Variants in OSBPL8 observed in about 807,000 individuals in gnomAD.
The protein encoded by OSBPL8 is oxysterol-binding protein-related protein 8.
In OSBPL8, 59 loss-of-function variants were observed where a neutral mutation model predicts 125.5. The observed-to-expected ratio is 0.47, with a 90% CI of 0.38 to 0.58. OSBPL8 has a LOEUF of 0.58. Among genes scored for constraint, OSBPL8 ranks in the 20% least tolerant of loss-of-function variants. The probability of loss-of-function intolerance (pLI) is 0.00; values close to 1 mark genes in which losing one functional copy is unlikely to be tolerated. For missense variants in OSBPL8, 758 were observed against 1,047.8 expected, an observed-to-expected ratio of 0.72 and a Z score of 3.82; for synonymous variants, 330 against 338.9, an observed-to-expected ratio of 0.97 and a Z score of 0.29.
At chr12:76,448,783 G>C (rs920450769) in intron 4 of OSBPL8, among the ~76,000 whole-genome samples, 1 of 152,208 alleles carries the variant, frequency 6.6e-6, no homozygotes, top group African/African-American at 2.4e-5. Flanking sequence ...GGGAGGCCAA[G>C]GTGGGCGGAT....
intron 2 of OSBPL8, among the ~76,000 whole-genome samples, chr12:76,478,871 G>A (rs987501814): frequency 4.6e-5 from 7 of 152,076 alleles, no homozygotes; most frequent in South Asian, 2.1e-4. Context: ...GGATCATGAC[G>A]TCAGGAGATC....
intron 21 of OSBPL8, among the ~76,000 whole-genome samples, chr12:76,365,616 GA>G (rs939802196): frequency 2.6e-5 from 4 of 152,008 alleles, no homozygotes; most frequent in African/African-American, 9.7e-5. Context: ...GCTCTGGCTA[GA>G]ACTTCCAGTA....
At chr12:76,486,594 A>T (rs1878159443) in intron 2 of OSBPL8, among the ~76,000 whole-genome samples, 1 of 152,228 alleles carries the variant, frequency 6.6e-6, no homozygotes, top group Non-Finnish European at 1.5e-5. Context: ...AAAAATGACA[A>T]ATCATCATTT....
chr12:76,428,909 G>GTATCTCC (rs1870483089), intron 4 of OSBPL8, among the ~76,000 whole-genome samples: 1 of 152,072 alleles, frequency 6.6e-6, no homozygotes, highest in Non-Finnish European at 1.5e-5. Flanking sequence ...AATCAAGATG[G>GTATCTCC]GAGATAATGA....
At chr12:76,522,387 G>A (rs536840526) in intron 1 of OSBPL8, among the ~76,000 whole-genome samples, 3 of 152,088 alleles carry the variant, frequency 2.0e-5, no homozygotes, top group Admixed American at 6.5e-5. Flanking sequence ...TTTGAAATTT[G>A]ATCCCTAGTG....
chr12:76,532,028 C>T (rs1418949375), intron 1 of OSBPL8, among the ~76,000 whole-genome samples: 3 of 114,090 alleles, frequency 2.6e-5, no homozygotes, highest in Admixed American at 2.6e-4. Flanking sequence ...GAGAGCAAGA[C>T]TCCTTCTCAA....
At position 76,389,733 on chromosome 12, in the gene OSBPL8, T is replaced by A; in HGVS notation, c.1264A>T (p.Lys422Ter). The change falls in exon 12 of 24, where the codon AAG (lysine) becomes TAG (stop). Residue 422 changes from lysine to a stop codon, truncating the protein, a stop_gained. Coordinates refer to ENST00000261183, the MANE Select transcript of OSBPL8 (RefSeq NM_020841.5). LOFTEE classifies it high-confidence loss of function. ...KQVRPGMDLS[K>*]VVLPTFILEP... is the part of the protein sequence containing the mutation. ...AAAATAAATGTAGGCAGAACCACCT[T>A]GGATAGGTCCATGCCAGGACGGACT... 1 of 1,609,508 alleles carries A rather than the reference T, an allele frequency of 6.2e-7. No homozygotes were observed. Among genetic ancestry groups the A allele is most frequent in the Non-Finnish European group, 8.5e-7 (1 of 1,177,216 alleles).
At chr12:76,487,706 C>T in intron 1 of OSBPL8, 88 bp from the exon 2 acceptor site, 1 of 467,836 alleles carries the variant, frequency 2.1e-6, no homozygotes, top group East Asian at 3.6e-5. Context: ...AGGGAAAAAT[C>T]ATTTTAGTCT....
Position 76,389,770 on chromosome 12 carries a change from T to C in OSBPL8, c.1227A>G (p.Thr409=). 1 of 1,589,948 alleles carries C rather than the reference T, an allele frequency of 6.3e-7. No homozygotes were observed. Among genetic ancestry groups the C allele is most frequent in the South Asian group, 1.2e-5 (1 of 86,892 alleles). Residue 409 remains threonine (T), a synonymous_variant, in exon 12 of 24, where the codon ACA becomes ACG. Transcript: ENST00000261183. ...TGCCAGGACGGACTTGTTTCAATAG[T>C]GTCCAGATAAGGCTTTTGTTTTCTT... The part of the protein sequence containing the change: ...VSEENKSLIW[T]LLKQVRPGMD...
intron 1 of OSBPL8, among the ~76,000 whole-genome samples, chr12:76,525,427 T>A (rs1592851115): frequency 6.6e-6 from 1 of 152,324 alleles, no homozygotes. Context: ...AGTCAAAGAA[T>A]GTTCAAAACT....
At chr12:76,448,467 G>A (rs1406099356) in intron 4 of OSBPL8, among the ~76,000 whole-genome samples, 1 of 152,052 alleles carries the variant, frequency 6.6e-6, no homozygotes, top group African/African-American at 2.4e-5. Context: ...AAAAAACCAG[G>A]TCAGTTGCAT....
chr12:76,397,928 A>T (rs772605465), intron 7 of OSBPL8, 31 bp from the exon 8 acceptor site: 1 of 1,598,250 alleles, frequency 6.3e-7, no homozygotes, highest in Non-Finnish European at 8.6e-7. Flanking sequence ...TTTAAAAAGG[A>T]AGATCTGTTC....
At chr12:76,471,018 T>A (rs1395588648) in intron 2 of OSBPL8, among the ~76,000 whole-genome samples, 1 of 152,126 alleles carries the variant, frequency 6.6e-6, no homozygotes, top group African/African-American at 2.4e-5. Context: ...AAAGTCTAGG[T>A]GTAATATAGA....
chr12:76,463,617 A>G (rs1875014046), intron 2 of OSBPL8, among the ~76,000 whole-genome samples: 1 of 152,238 alleles, frequency 6.6e-6, no homozygotes, highest in African/African-American at 2.4e-5. Flanking sequence ...AGAAAAACAT[A>G]TATTATAATG....
Position 76,373,326 on chromosome 12 carries a change from C to A in OSBPL8, c.1917+18G>T. The stretch of plus-strand genomic sequence containing the variant: ...AGAATAAAATTCTTTTTGTAAAGCT[C>A]ATATACAAAATACTTACCCAATGAC... On this transcript the variant is annotated intron_variant, in intron 18 of 23. Transcript: ENST00000261183. The A allele has an allele frequency of 1.4e-6, 2 of 1,462,860 alleles. No homozygotes were observed. The highest frequency in any genetic ancestry group is 2.0e-5 in the Admixed American group (1 of 49,832). The allele number at this position is 1,462,860 out of a possible 1,614,324, so 90.6% of individuals were successfully genotyped here. A position where few individuals can be genotyped will look rare whatever the true frequency, so the allele number is the denominator to read the frequency against.
At chr12:76,445,856 C>T (rs2136691313) in intron 4 of OSBPL8, among the ~76,000 whole-genome samples, 1 of 152,144 alleles carries the variant, frequency 6.6e-6, no homozygotes. Flanking sequence ...AGGTACTACC[C>T]CCCAAAAAAT....
chr12:76,392,571 A>G lies in OSBPL8; in HGVS notation c.929+10T>C. The G allele has an allele frequency of 6.3e-7, 1 of 1,598,318 alleles. No homozygotes were observed. The highest frequency in any genetic ancestry group is 8.6e-7 in the Non-Finnish European group (1 of 1,168,310). On this transcript the variant is annotated intron_variant, in intron 10 of 23. Transcript: ENST00000261183. ...GAAACATTACCAACTCAGCGGCAGT[A>G]TCTACTTACTGGAAGTTATCACCAC...
chr12:76,454,917 C>G (rs1229808127), intron 3 of OSBPL8, among the ~76,000 whole-genome samples: 1 of 151,946 alleles, frequency 6.6e-6, no homozygotes, highest in African/African-American at 2.4e-5. Flanking sequence ...TAGTCATGCC[C>G]TCTTGGGGCA....
chr12:76,365,708 C>T (rs1233965598), intron 21 of OSBPL8, among the ~76,000 whole-genome samples: 1 of 152,162 alleles, frequency 6.6e-6, no homozygotes, highest in Non-Finnish European at 1.5e-5. Context: ...CCTGTCACCA[C>T]TGAATCTACT....
Sources: allele counts gnomAD v4.1 joint callset (sites outside exome capture counted in the v4.1 genomes callset), GRCh38; gene constraint gnomAD v4.1.1; transcripts MANE v1.5; gene names NCBI Gene and HGNC (gene_info 2026-07-23, HGNC 2026-07-21).